The following ADAM23 variants were observed in gnomAD, a reference collection of about 807,000 sequenced individuals.
ADAM23 encodes the protein disintegrin and metalloproteinase domain-containing protein 23.
A neutral mutation model predicts 120.1 loss-of-function variants in ADAM23; 33 were observed. That is an observed-to-expected ratio of 0.27 (90% CI 0.21 to 0.37). The LOEUF is 0.37. Among genes scored for constraint, ADAM23 ranks in the 10% least tolerant of loss-of-function variants. ADAM23 has a pLI of 1.00. For synonymous variants in ADAM23, 367 were observed against 375.2 expected, an observed-to-expected ratio of 0.98 and a Z score of 0.25; for missense variants, 862 against 1,058.2, an observed-to-expected ratio of 0.81 and a Z score of 2.57.
At chr2:206,604,360 T>C (rs1458307298) in intron 24 of ADAM23, among the ~76,000 whole-genome samples, 2 of 152,216 alleles carry the variant, frequency 1.3e-5, no homozygotes, top group African/African-American at 4.8e-5. Flanking sequence ...TTTTTAAAAA[T>C]GAGGCTTCAT....
chr2:206,595,689 T>C (rs1415315139), intron 23 of ADAM23, among the ~76,000 whole-genome samples: 1 of 152,330 alleles, frequency 6.6e-6, no homozygotes, highest in Admixed American at 6.5e-5. Context: ...AAACAGTTAC[T>C]TCTGAACAAA....
intron 24 of ADAM23, chr2:206,609,704 A>G: frequency 2.0e-6 from 1 of 506,064 alleles, no homozygotes; most frequent in Non-Finnish European, 3.4e-6. Flanking sequence ...ATGGTGCAGA[A>G]ACTTTAGATT....
At chr2:206,476,272 T>C (rs72933248) in intron 2 of ADAM23, among the ~76,000 whole-genome samples, 7,729 of 152,252 alleles carry the variant, frequency 0.051, 275 homozygotes, top group Middle Eastern at 0.11. Context: ...TAAATGAATA[T>C]CTCCCTAAAT....
chr2:206,542,043 G>C lies in ADAM23; in HGVS notation c.574-9G>C. On this transcript the variant is annotated splice_polypyrimidine_tract_variant and intron_variant, in intron 4 of 25. Transcript: ENST00000264377. ...AAAATACAACCAATCAATGAAACCT[G>C]CTTTCCAGGGTGGAGAGCACTGTTA... is the stretch of plus-strand genomic sequence containing the variant. The C allele has an allele frequency of 6.2e-7, 1 of 1,613,996 alleles. No homozygotes were observed. The highest frequency in any genetic ancestry group is 8.5e-7 in the Non-Finnish European group (1 of 1,179,906).
intron 14 of ADAM23, 49 bp from the exon 15 acceptor site, chr2:206,567,174 T>A: frequency 7.1e-7 from 1 of 1,410,690 alleles, no homozygotes; most frequent in Non-Finnish European, 1.0e-6. Context: ...TCTTCTCTGA[T>A]GATTGCTTTT....
intron 6 of ADAM23, among the ~76,000 whole-genome samples, chr2:206,543,840 T>A (rs1481124277): frequency 6.6e-6 from 1 of 152,052 alleles, no homozygotes; most frequent in African/African-American, 2.4e-5. Context: ...GCAACCTGGA[T>A]GGAATTGGAG....
chr2:206,466,213 A>G (rs1031698851), intron 2 of ADAM23, among the ~76,000 whole-genome samples: 2 of 152,172 alleles, frequency 1.3e-5, no homozygotes, highest in Admixed American at 6.5e-5. Flanking sequence ...TTTAATATAT[A>G]TACATTCATG....
Position 206,480,986 on chromosome 2 carries a change from A to G in ADAM23, c.433-246A>G, listed in dbSNP as rs914362269. Among the ~76,000 whole-genome samples the G allele has an allele frequency of 3.3e-5, 5 of 152,084 alleles. No individual in the cohort carries two copies. In the South Asian group the frequency reaches 6.2e-4, roughly 19 times the overall value. ...CCAGCAGAATATGCTGTTGGTTTTT[A>G]TCTTAGTGGGTTCATTTTCAAGGAT... is the stretch of plus-strand genomic sequence containing the variant. On this transcript the variant is annotated intron_variant, in intron 2 of 25. Coordinates refer to ENST00000264377, the MANE Select transcript of ADAM23 (RefSeq NM_003812.4).
chr2:206,592,082 C>T (rs897167320), intron 21 of ADAM23, among the ~76,000 whole-genome samples: 1 of 152,068 alleles, frequency 6.6e-6, no homozygotes, highest in African/African-American at 2.4e-5. Context: ...TAATTTCTGC[C>T]CCTCCATCCT....
intron 14 of ADAM23, among the ~76,000 whole-genome samples, chr2:206,565,841 G>A (rs535223166): frequency 1.7e-4 from 26 of 152,294 alleles, no homozygotes; most frequent in African/African-American, 3.6e-4. Flanking sequence ...CCCTCTGGTT[G>A]CCAGAGGCCC....
At chr2:206,544,193 C>T (rs563985268) in intron 6 of ADAM23, among the ~76,000 whole-genome samples, 1 of 152,114 alleles carries the variant, frequency 6.6e-6, no homozygotes, top group East Asian at 1.9e-4. Context: ...ATGTACTTAA[C>T]TTTTATGAAC....
chr2:206,600,529 G>A (rs1698621243), intron 24 of ADAM23, among the ~76,000 whole-genome samples: 1 of 152,108 alleles, frequency 6.6e-6, no homozygotes, highest in Admixed American at 6.6e-5. Context: ...CTGCCCTTTG[G>A]ATCAAGACCA....
chr2:206,600,062 C>T (rs964457100), intron 24 of ADAM23, among the ~76,000 whole-genome samples: 8 of 152,036 alleles, frequency 5.3e-5, no homozygotes, highest in Non-Finnish European at 7.4e-5. Flanking sequence ...ATTAGTTGGG[C>T]GTGGTGGCAG....
At chr2:206,494,059 C>T (rs1439499606) in intron 3 of ADAM23, among the ~76,000 whole-genome samples, 2 of 152,152 alleles carry the variant, frequency 1.3e-5, no homozygotes, top group Non-Finnish European at 2.9e-5. Context: ...GTGAAATGAT[C>T]ACCACGCTCA....
chr2:206,550,135 T>A lies in ADAM23; in HGVS notation c.908T>A (p.Leu303His). 6.3e-7 allele frequency: 1 copy of A among 1,585,474 alleles called. No homozygotes were observed. The highest frequency in any genetic ancestry group is 8.6e-7 in the Non-Finnish European group (1 of 1,157,618). ...TTTGAAGAAATGAAATATTTGGAAC[T>A]TATGATTGTTAATGATCACAAAACG... ...GIFEEMKYLE[L>H]MIVNDHKTYK... Residue 303 changes from leucine (L) to histidine (H), a missense_variant, in exon 9 of 26, where the codon CTT becomes CAT. Physicochemically the swap from Leu to His is moderately conservative, Grantham distance 99 (BLOSUM62 -3). Around this residue, in one of 4 missense-constraint regions of ADAM23, gnomAD observed 617 missense variants for 813.5 expected, o/e 0.76. Coordinates refer to ENST00000264377, the MANE Select transcript of ADAM23 (RefSeq NM_003812.4).
At chr2:206,548,720 T>A (rs1697451550) in intron 8 of ADAM23, among the ~76,000 whole-genome samples, 1 of 152,172 alleles carries the variant, frequency 6.6e-6, no homozygotes, top group South Asian at 2.1e-4. Flanking sequence ...ATAAAACATT[T>A]CTGTTAATAA....
At chr2:206,512,078 T>C (rs1312602394) in intron 3 of ADAM23, among the ~76,000 whole-genome samples, 1 of 152,180 alleles carries the variant, frequency 6.6e-6, no homozygotes, top group African/African-American at 2.4e-5. Context: ...TAGAAGGTAA[T>C]TTCAATGACA....
intron 3 of ADAM23, among the ~76,000 whole-genome samples, chr2:206,489,976 T>A (rs1188892718): frequency 6.6e-6 from 1 of 152,244 alleles, no homozygotes; most frequent in East Asian, 1.9e-4. Context: ...TCTCCCACTC[T>A]GCATTCGTAC....
At chr2:206,460,775 G>T (rs541435995) in intron 2 of ADAM23, among the ~76,000 whole-genome samples, 4 of 152,182 alleles carry the variant, frequency 2.6e-5, no homozygotes, top group Admixed American at 6.5e-5. Context: ...TTATTTTGTT[G>T]CCTGTGCATT....
Sources: gnomAD v4.1 joint callset for allele counts (sites outside exome capture counted in the v4.1 genomes callset) on GRCh38, gnomAD v4.1.1 for gene constraint, gnomAD v4.1.1 regional missense constraint, MANE v1.5 for transcripts, NCBI Gene and HGNC (gene_info 2026-07-23, HGNC 2026-07-21) for gene names.